The following PDE4D variants were observed in gnomAD, a reference collection of about 807,000 sequenced individuals.
PDE4D encodes 3',5'-cyclic-AMP phosphodiesterase 4D.
A neutral mutation model predicts 87.4 loss-of-function variants in PDE4D; 24 were observed. That is an observed-to-expected ratio of 0.27 (90% CI 0.20 to 0.39). The LOEUF is 0.39. Among genes scored for constraint, PDE4D ranks in the 10% least tolerant of loss-of-function variants. The probability of loss-of-function intolerance (pLI) is 1.00; values close to 1 mark genes in which losing one functional copy is unlikely to be tolerated. For synonymous variants in PDE4D, 384 were observed against 383.2 expected (o/e 1.00, Z -0.02); for missense variants, 714 against 1,041.0 (o/e 0.69, Z 4.32).
chr5:59,976,933 C>T (rs1359156245), intron 3 of PDE4D, among the ~76,000 whole-genome samples: 4 of 152,166 alleles, frequency 2.6e-5, no homozygotes, highest in Non-Finnish European at 5.9e-5. Flanking sequence ...AGACAGTAAA[C>T]TTAATGGATT....
intron 3 of PDE4D, among the ~76,000 whole-genome samples, chr5:59,931,682 TTTC>T (rs1192556306): frequency 6.2e-5 from 9 of 145,880 alleles, no homozygotes; most frequent in South Asian, 4.4e-4. Flanking sequence ...TACTGACACT[TTTC>T]TTCTTCTTCT....
chr5:59,858,295 A>G (rs1386722516), intron 1 of PDE4D, among the ~76,000 whole-genome samples: 1 of 151,844 alleles, frequency 6.6e-6, no homozygotes, highest in East Asian at 1.9e-4. Context: ...TTTGGAGCAA[A>G]GGGACTGGAG....
chr5:59,171,113 C>T (rs1212278211), intron 5 of PDE4D, among the ~76,000 whole-genome samples: 2 of 151,318 alleles, frequency 1.3e-5, no homozygotes, highest in Non-Finnish European at 3.0e-5. Context: ...AACTCCTGAC[C>T]TCAGGTGATC....
rs1399714459 is a variant in PDE4D, at chr5:59,346,190, T to C, written c.456-130222A>G. On this transcript the variant is annotated intron_variant, in intron 1 of 14. Coordinates refer to ENST00000340635, the MANE Select transcript of PDE4D (RefSeq NM_001104631.2). ...AAGTCAGTTAGTGGTTATCTTCGGG[T>C]GCATAGTGACTGGAAAGAAGAATAA... Among the ~76,000 whole-genome samples, 2 of 152,278 alleles carry C rather than the reference T, an allele frequency of 1.3e-5. 1 individual carries two copies. Among genetic ancestry groups the C allele is most frequent in the South Asian group, 4.2e-4 (2 of 4,818 alleles).
chr5:59,428,322 CTTTT>C (rs1795616604), intron 1 of PDE4D, among the ~76,000 whole-genome samples: 1 of 151,894 alleles, frequency 6.6e-6, no homozygotes, highest in African/African-American at 2.4e-5. Context: ...TTTTTTTTAT[CTTTT>C]ATTTTTTGTC....
intron 5 of PDE4D, among the ~76,000 whole-genome samples, chr5:59,173,572 A>G (rs1435297392): frequency 6.6e-6 from 1 of 152,244 alleles, no homozygotes; most frequent in Admixed American, 6.5e-5. Flanking sequence ...GATGTATTAG[A>G]TGCTTTATCA....
chr5:60,035,591 G>A (rs1466408864), intron 2 of PDE4D, among the ~76,000 whole-genome samples: 1 of 152,060 alleles, frequency 6.6e-6, no homozygotes, highest in African/African-American at 2.4e-5. Flanking sequence ...GATACTTAAG[G>A]ATTATGAAAC....
At chr5:59,221,796 G>A (rs1752631634) in intron 1 of PDE4D, among the ~76,000 whole-genome samples, 1 of 152,218 alleles carries the variant, frequency 6.6e-6, no homozygotes, top group South Asian at 2.1e-4. Context: ...GGAAGGGTCA[G>A]TGGGTCTGCA....
chr5:59,156,331 A>ATATATGTG (rs1384479557), intron 5 of PDE4D, among the ~76,000 whole-genome samples: 7 of 122,758 alleles, frequency 5.7e-5, no homozygotes, highest in African/African-American at 2.4e-4. Context: ...ATATATATAT[A>ATATATGTG]TGTGTGTGTG....
At chr5:58,998,131 A>T (rs6450498) in intron 6 of PDE4D, among the ~76,000 whole-genome samples, 31,049 of 152,010 alleles carry the variant, frequency 0.2, 3,631 homozygotes, top group East Asian at 0.55. Flanking sequence ...TAAAAATAAA[A>T]CCTTCAAAAT....
At chr5:60,065,967 G>A (rs1322187097) in intron 2 of PDE4D, among the ~76,000 whole-genome samples, 3 of 152,172 alleles carry the variant, frequency 2.0e-5, no homozygotes, top group Non-Finnish European at 4.4e-5. Context: ...GGATGGCAGG[G>A]TCAAATGGTA....
intron 1 of PDE4D, among the ~76,000 whole-genome samples, chr5:60,291,510 C>T (rs1752893144): frequency 1.3e-5 from 2 of 151,192 alleles, no homozygotes; most frequent in African/African-American, 4.9e-5. Flanking sequence ...AAAAAAAAAC[C>T]TATTACAATA....
chr5:60,134,894 A>G (rs1779905736), intron 2 of PDE4D, among the ~76,000 whole-genome samples: 1 of 152,152 alleles, frequency 6.6e-6, no homozygotes, highest in Non-Finnish European at 1.5e-5. Flanking sequence ...TCATAGGTGT[A>G]CCCTTCTTAC....
At chr5:59,946,742 G>T (rs1196048091) in intron 3 of PDE4D, among the ~76,000 whole-genome samples, 1 of 152,162 alleles carries the variant, frequency 6.6e-6, no homozygotes, top group Non-Finnish European at 1.5e-5. Flanking sequence ...AGCAACCCAT[G>T]TAAAGCACTC....
At chr5:59,048,515 T>C (rs1190672385) in intron 5 of PDE4D, among the ~76,000 whole-genome samples, 1 of 152,174 alleles carries the variant, frequency 6.6e-6, no homozygotes, top group East Asian at 1.9e-4. Flanking sequence ...TAGGTGTTGG[T>C]TTTAAGGTTG....
chr5:60,172,321 G>A (rs75469780), intron 2 of PDE4D, among the ~76,000 whole-genome samples: 7 of 148,312 alleles, frequency 4.7e-5, no homozygotes, highest in Non-Finnish European at 7.4e-5. Context: ...ATATTTGAAC[G>A]TATTCAGACT....
chr5:60,178,009 TAA>T (rs1241535652), intron 2 of PDE4D, among the ~76,000 whole-genome samples: 1 of 152,174 alleles, frequency 6.6e-6, no homozygotes. Flanking sequence ...AGTGAGAAGT[TAA>T]AGATTATAAA....
intron 6 of PDE4D, among the ~76,000 whole-genome samples, chr5:59,005,689 A>G (rs1034617940): frequency 1.3e-5 from 2 of 152,160 alleles, no homozygotes; most frequent in African/African-American, 2.4e-5. Flanking sequence ...AACTTTACAT[A>G]CCTCATTTCT....
chr5:59,568,625 T>C (rs753830928), intron 1 of PDE4D, among the ~76,000 whole-genome samples: 4 of 152,068 alleles, frequency 2.6e-5, no homozygotes, highest in Non-Finnish European at 5.9e-5. Flanking sequence ...CACATTACCC[T>C]CTGTGGTCTC....
Sources: allele counts gnomAD v4.1 joint callset (sites outside exome capture counted in the v4.1 genomes callset), GRCh38; gene constraint gnomAD v4.1.1; transcripts MANE v1.5; gene names NCBI Gene and HGNC (gene_info 2026-07-23, HGNC 2026-07-21).